Variants in RBM15B observed in about 807,000 individuals in gnomAD.
RBM15B encodes RNA binding motif protein 15B.
A neutral mutation model predicts 53.3 loss-of-function variants in RBM15B; 11 were observed. The ratio of observed to expected loss-of-function variants is 0.21; its 90% CI spans 0.13 to 0.34. The LOEUF is 0.34. Among genes scored for constraint, RBM15B ranks in the 10% least tolerant of loss-of-function variants. The pLI, the probability that RBM15B is intolerant of heterozygous loss-of-function variation, is 1.00. For missense variants in RBM15B, 1,136 were observed against 1,250.3 expected (o/e 0.91, Z 1.38); for synonymous variants, 631 against 540.7 (o/e 1.17, Z -2.32).
Position 51,395,912 on chromosome 3 carries a change from C to T in RBM15B, c.*1840C>T, listed in dbSNP as rs74619531. Reference sequence around the variant, plus strand: ...TTATTTGCCTGTTTTTGTTTTTTTACTTGAGCTGTGGTCACAGCTGCCAGG... The same window carrying T: ...TTATTTGCCTGTTTTTGTTTTTTTATTTGAGCTGTGGTCACAGCTGCCAGG... On this transcript the variant is annotated 3_prime_UTR_variant, in exon 1 of 1. Coordinates refer to ENST00000563281, the MANE Select transcript of RBM15B (RefSeq NM_013286.5). 2,139 of 413,450 alleles carry T rather than the reference C, an allele frequency of 5.2e-3. 16 individuals carry two copies. The highest frequency in any genetic ancestry group is 0.012 in the Middle Eastern group (19 of 1,590). 25.6% of individuals were successfully genotyped at this position (413,450 alleles called of 1,614,324 possible).
In RBM15B at chr3:51,394,429, G is replaced by A; in HGVS notation, c.*357G>A. 5.2e-6 allele frequency: 1 copy of A among 191,612 alleles called. No individual in the cohort carries two copies. 11.9% of individuals were successfully genotyped at this position (191,612 alleles called of 1,614,324 possible). A position where few individuals can be genotyped will look rare whatever the true frequency, so the allele number is the denominator to read the frequency against. ...TCAGAGTCCTGGTTTAATCAATCAA[G>A]CTAAAAGAATCGAAGACATCCCTAG... On this transcript the variant is annotated 3_prime_UTR_variant, in exon 1 of 1. Transcript: ENST00000563281.
In RBM15B at chr3:51,393,679, G is replaced by T. The variant is rs1553622039; in HGVS notation, c.2280G>T (p.Leu760=). The T allele has an allele frequency of 1.2e-6, 2 of 1,612,852 alleles. No individual in the cohort carries two copies. The highest frequency in any genetic ancestry group is 8.5e-7 in the Non-Finnish European group (1 of 1,179,466). Residue 760 remains leucine (L), a synonymous_variant, in exon 1 of 1, where the codon CTG becomes CTT. Transcript: ENST00000563281. This position sits in a 1 kb window ranked among gnomAD's most constrained non-coding sequence, Gnocchi z 5.6. ...LLKDHTSGSK[L]TQLKIAQRLR... ...AAGACCACACTTCTGGGAGCAAGCT[G>T]ACCCAGCTGAAGATCGCCCAGCGCC...
Position 51,391,550 on chromosome 3 carries a change from G to A in RBM15B, c.151G>A (p.Ala51Thr), listed in dbSNP as rs1187723409. The change falls in exon 1 of 1, where the codon GCG becomes ACG. Residue 51 changes from alanine (A) to threonine (T), a missense_variant. This residue lies in a region of RBM15B where 257 missense variants were observed against 261.1 expected (regional missense o/e 0.98). Transcript: ENST00000563281. The surrounding 1 kb of genome is among the most constrained non-coding windows in gnomAD (Gnocchi z 4.5). ...TGGCGGCGCCAAGCACCCGGTTCCA[G>A]CGCGGGCCCGCGACAAACCCCGCGG... ...ASGGAKHPVP[A>T]RARDKPRGSG... is the part of the protein sequence containing the mutation. 4.2e-6 allele frequency: 5 copies of A among 1,184,214 alleles called. No individual in the cohort carries two copies. Among genetic ancestry groups the A allele is most frequent in the African/African-American group, 1.6e-5 (1 of 62,224 alleles). 73.4% of individuals were successfully genotyped at this position (1,184,214 alleles called of 1,614,324 possible).
Position 51,393,129 on chromosome 3 carries a change from G to A in RBM15B, c.1730G>A (p.Arg577His), listed in dbSNP as rs782328646. Reference sequence around the variant, plus strand: ...TCAGTGCGCAGCCGGAGTGGTGAGCGTTGGGGGGCAGATGGAGACCGTGGT... The same window carrying A: ...TCAGTGCGCAGCCGGAGTGGTGAGCATTGGGGGGCAGATGGAGACCGTGGT... ...SRSVRSRSGE[R>H]WGADGDRGLP... The change falls in exon 1 of 1, where the codon CGT becomes CAT. Residue 577 changes from arginine to histidine, a missense_variant. This residue lies in a region of RBM15B where 578 missense variants were observed against 581.6 expected (regional missense o/e 0.99). Coordinates refer to ENST00000563281, the MANE Select transcript of RBM15B (RefSeq NM_013286.5). The surrounding 1 kb of genome is among the most constrained non-coding windows in gnomAD (Gnocchi z 5.6). 6.2e-7 allele frequency: 1 copy of A among 1,614,058 alleles called. No homozygotes were observed. The highest frequency in any genetic ancestry group is 8.5e-7 in the Non-Finnish European group (1 of 1,179,996).
chr3:51,395,760 GGTCCACAGGAA>G lies in RBM15B; in HGVS notation c.*1689_*1699del, dbSNP rs2089160466. On this transcript the variant is annotated 3_prime_UTR_variant, in exon 1 of 1. Coordinates refer to ENST00000563281, the MANE Select transcript of RBM15B (RefSeq NM_013286.5). ...CTGCAGGCTGTGGAGAGGTCATGCT[GGTCCACAGGAA>G]CACTTGGCAGTGCTCTCGTAGACCC... 1.7e-5 allele frequency: 7 copies of G among 413,340 alleles called. No individual in the cohort carries two copies. Among genetic ancestry groups the G allele is most frequent in the Non-Finnish European group, 3.1e-5 (7 of 226,164 alleles). The allele number at this position is 413,340 out of a possible 1,614,324, so 25.6% of individuals were successfully genotyped here.
At position 51,391,712 on chromosome 3, in the gene RBM15B, G is replaced by T; in HGVS notation, c.313G>T (p.Ala105Ser). 1 of 1,380,838 alleles carries T rather than the reference G, an allele frequency of 7.2e-7. No homozygotes were observed. The highest frequency in any genetic ancestry group is 9.3e-7 in the Non-Finnish European group (1 of 1,074,954). The allele number at this position is 1,380,838 out of a possible 1,614,324, so 85.5% of individuals were successfully genotyped here. The change falls in exon 1 of 1, where the codon GCC (alanine) becomes TCC (serine). Residue 105 changes from alanine (A) to serine (S), a missense_variant. Coordinates refer to ENST00000563281, the MANE Select transcript of RBM15B (RefSeq NM_013286.5). This position sits in a 1 kb window ranked among gnomAD's most constrained non-coding sequence, Gnocchi z 4.5. ...CGGCAAGGCCTCGGGGGACCCGGGC[G>T]CCTCCGGCATGTCGCCCCGCGCGTC... Reference protein sequence around the residue: ...RGGKASGDPGASGMSPRASPL... With the variant: ...RGGKASGDPGSSGMSPRASPL...
Position 51,396,761 on chromosome 3 carries a change from C to G in RBM15B, c.*2689C>G, listed in dbSNP as rs1553623102. ...TCCCTGTTATAGTCCCTGTCTCCCCCACAGAGACCTGTGGGTGCTCCCAGC... is the reference window on the plus strand; with the variant it reads ...TCCCTGTTATAGTCCCTGTCTCCCCGACAGAGACCTGTGGGTGCTCCCAGC... On this transcript the variant is annotated 3_prime_UTR_variant, in exon 1 of 1. Transcript: ENST00000563281. 6.0e-6 allele frequency: 1 copy of G among 167,172 alleles called. No homozygotes were observed. Among genetic ancestry groups the G allele is most frequent in the Non-Finnish European group, 1.5e-5 (1 of 68,178 alleles). The allele number at this position is 167,172 out of a possible 1,614,324, so 10.4% of individuals were successfully genotyped here.
rs2089124911 is a variant in RBM15B at position 51,395,002 on chromosome 3, C to T, written c.*930C>T. On this transcript the variant is annotated 3_prime_UTR_variant, in exon 1 of 1. Coordinates refer to ENST00000563281, the MANE Select transcript of RBM15B (RefSeq NM_013286.5). ...GGAATGGAGGGTTGGAGGCAGCCTT[C>T]CTTGGATTTACTCATGAACTTTGCC... The T allele has an allele frequency of 6.0e-6, 1 of 167,358 alleles. No homozygotes were observed. Among genetic ancestry groups the T allele is most frequent in the African/African-American group, 2.4e-5 (1 of 41,566 alleles). The allele number at this position is 167,358 out of a possible 1,614,324, so 10.4% of individuals were successfully genotyped here. A position where few individuals can be genotyped will look rare whatever the true frequency, so the allele number is the denominator to read the frequency against.
rs2089101604 is a variant in RBM15B at position 51,394,340 on chromosome 3, T to G, written c.*268T>G. ...GCTGTGGTTCTGTATTTTTTTATTTTTTGACCAACTGTATGGAAAGTTGTC... is the reference window on the plus strand; with the variant it reads ...GCTGTGGTTCTGTATTTTTTTATTTGTTGACCAACTGTATGGAAAGTTGTC... On this transcript the variant is annotated 3_prime_UTR_variant, in exon 1 of 1. Transcript: ENST00000563281. 1 of 366,418 alleles carries G rather than the reference T, an allele frequency of 2.7e-6. No individual in the cohort carries two copies. The highest frequency in any genetic ancestry group is 2.1e-5 in the African/African-American group (1 of 47,526). 22.7% of individuals were successfully genotyped at this position (366,418 alleles called of 1,614,324 possible).
chr3:51,392,919 C>T lies in RBM15B; in HGVS notation c.1520C>T (p.Pro507Leu), dbSNP rs782593323. Residue 507 changes from proline (P) to leucine (L), a missense_variant, in exon 1 of 1, where the codon CCT (proline) becomes CTT (leucine). Pro to Leu is a moderately conservative substitution (Grantham distance 98). Coordinates refer to ENST00000563281, the MANE Select transcript of RBM15B (RefSeq NM_013286.5). The surrounding 1 kb of genome is among the most constrained non-coding windows in gnomAD (Gnocchi z 7.5). ...CAGCAGTACCAGCCCTCGCCACTCC[C>T]TGTGCATTATGAGCTGCTCACAGAT... ...YPQQYQPSPL[P>L]VHYELLTDGY... 24 of 1,613,772 alleles carry T rather than the reference C, an allele frequency of 1.5e-5. No homozygotes were observed. Among genetic ancestry groups the T allele is most frequent in the Non-Finnish European group, 1.9e-5 (22 of 1,180,058 alleles).
Position 51,395,165 on chromosome 3 carries a change from G to A in RBM15B, c.*1093G>A, listed in dbSNP as rs1160032832. On this transcript the variant is annotated 3_prime_UTR_variant, in exon 1 of 1. Coordinates refer to ENST00000563281, the MANE Select transcript of RBM15B (RefSeq NM_013286.5). ...TGAAGTACTTACCGGGGAGCACAGT[G>A]GACTAGGGGATGCCCTTGATAATGA... 1.2e-5 allele frequency: 2 copies of A among 167,232 alleles called. No homozygotes were observed. The highest frequency in any genetic ancestry group is 4.8e-5 in the African/African-American group (2 of 41,442). 10.4% of individuals were successfully genotyped at this position (167,232 alleles called of 1,614,324 possible). A position where few individuals can be genotyped will look rare whatever the true frequency, so the allele number is the denominator to read the frequency against.
In RBM15B at chr3:51,392,109, C is replaced by G. The variant is rs2089047752; in HGVS notation, c.710C>G (p.Ser237Cys). 2 of 1,542,404 alleles carry G rather than the reference C, an allele frequency of 1.3e-6. No individual in the cohort carries two copies. Among genetic ancestry groups the G allele is most frequent in the Non-Finnish European group, 1.7e-6 (2 of 1,150,798 alleles). ...AGTAGCAGCAGCAGCGCCGCCGCTT[C>G]CACGCCTCCCCCAGGGCCGCCCGCG... ...RRSSSSSAAA[S>C]TPPPGPPAPA... The change falls in exon 1 of 1, where the codon TCC (serine) becomes TGC (cysteine). Residue 237 changes from serine (S) to cysteine (C), a missense_variant. By Grantham distance (112) the Ser-to-Cys change is moderately radical (BLOSUM62 -1). Around this residue, in one of 7 missense-constraint regions of RBM15B, gnomAD observed 204 missense variants for 196.8 expected, o/e 1.04. Coordinates refer to ENST00000563281, the MANE Select transcript of RBM15B (RefSeq NM_013286.5). The surrounding 1 kb of genome is among the most constrained non-coding windows in gnomAD (Gnocchi z 7.5).
rs1240680716 is a variant in RBM15B, at chr3:51,397,263, G to A, written c.*3191G>A. On this transcript the variant is annotated 3_prime_UTR_variant, in exon 1 of 1. Coordinates refer to ENST00000563281, the MANE Select transcript of RBM15B (RefSeq NM_013286.5). ...GGAAGGAAAACAGGGTGGGGCGGGT[G>A]AGTGAAAAGGTGGAAATCCCTGGTA... 1.8e-5 allele frequency: 3 copies of A among 167,104 alleles called. No homozygotes were observed. Among genetic ancestry groups the A allele is most frequent in the Non-Finnish European group, 4.4e-5 (3 of 68,140 alleles). The allele number at this position is 167,104 out of a possible 1,614,324, so 10.4% of individuals were successfully genotyped here. A position where few individuals can be genotyped will look rare whatever the true frequency, so the allele number is the denominator to read the frequency against.
Position 51,391,592 on chromosome 3 carries a change from G to GGCGGGCATCGCGACGGCC in RBM15B, c.198_215dup (p.His67_Gly72dup). 4.2e-6 allele frequency: 5 copies of GGCGGGCATCGCGACGGCC among 1,178,894 alleles called. No homozygotes were observed. The highest frequency in any genetic ancestry group is 3.1e-6 in the Non-Finnish European group (3 of 954,328). 73.0% of individuals were successfully genotyped at this position (1,178,894 alleles called of 1,614,324 possible). A position where few individuals can be genotyped will look rare whatever the true frequency, so the allele number is the denominator to read the frequency against. ...ACCCCGCGGCAGCGGAAGCGGCGGGGGCGGGCATCGCGACGGCCGCGGCAC... is the reference window on the plus strand; with the variant it reads ...ACCCCGCGGCAGCGGAAGCGGCGGGGGCGGGCATCGCGACGGCCGCGGGCATCGCGACGGCCGCGGCAC... On this transcript the variant is annotated inframe_insertion, in exon 1 of 1. Transcript: ENST00000563281. The surrounding 1 kb of genome is among the most constrained non-coding windows in gnomAD (Gnocchi z 4.5).
rs1372651975 is a variant in RBM15B at position 51,391,533 on chromosome 3, C to T, written c.134C>T (p.Ala45Val). 2 of 1,191,354 alleles carry T rather than the reference C, an allele frequency of 1.7e-6. No individual in the cohort carries two copies. The highest frequency in any genetic ancestry group is 2.1e-6 in the Non-Finnish European group (2 of 961,728). 73.8% of individuals were successfully genotyped at this position (1,191,354 alleles called of 1,614,324 possible). The change falls in exon 1 of 1, where the codon GCC becomes GTC. Residue 45 changes from alanine (A) to valine (V), a missense_variant. By Grantham distance (64) the Ala-to-Val change is moderately conservative. This residue lies in a region of RBM15B where 257 missense variants were observed against 261.1 expected (regional missense o/e 0.98). Coordinates refer to ENST00000563281, the MANE Select transcript of RBM15B (RefSeq NM_013286.5). This position sits in a 1 kb window ranked among gnomAD's most constrained non-coding sequence, Gnocchi z 4.5. ...GCGGCGCACAAGGCCTCTGGCGGCGCCAAGCACCCGGTTCCAGCGCGGGCC... is the reference window on the plus strand; with the variant it reads ...GCGGCGCACAAGGCCTCTGGCGGCGTCAAGCACCCGGTTCCAGCGCGGGCC... The part of the protein sequence containing the change: ...RRAAHKASGG[A>V]KHPVPARARD...
rs2089034713 is a variant in RBM15B, at chr3:51,391,436, G to C, written c.37G>C (p.Gly13Arg). 1 of 1,271,076 alleles carries C rather than the reference G, an allele frequency of 7.9e-7. No homozygotes were observed. The highest frequency in any genetic ancestry group is 1.6e-5 in the African/African-American group (1 of 63,636). The allele number at this position is 1,271,076 out of a possible 1,614,324, so 78.7% of individuals were successfully genotyped here. ...RQSERDSSPS[G>R]RGSSSSAKRP... ...GAGCGAGCGAGACTCTAGCCCGAGCGGGCGCGGCTCGTCATCGTCCGCCAA... is the reference window on the plus strand; with the variant it reads ...GAGCGAGCGAGACTCTAGCCCGAGCCGGCGCGGCTCGTCATCGTCCGCCAA... The change falls in exon 1 of 1, where the codon GGG becomes CGG. Residue 13 changes from glycine (G) to arginine (R), a missense_variant. Gly to Arg is a moderately radical substitution (Grantham distance 125). This residue lies in a region of RBM15B where 257 missense variants were observed against 261.1 expected (regional missense o/e 0.98). Transcript: ENST00000563281. The surrounding 1 kb of genome is among the most constrained non-coding windows in gnomAD (Gnocchi z 4.5).
Position 51,392,316 on chromosome 3 carries a change from A to G in RBM15B, c.917A>G (p.Tyr306Cys). The G allele has an allele frequency of 1.9e-6, 3 of 1,612,490 alleles. No homozygotes were observed. The highest frequency in any genetic ancestry group is 2.5e-6 in the Non-Finnish European group (3 of 1,179,788). The change falls in exon 1 of 1, where the codon TAC (tyrosine) becomes TGC (cysteine). Residue 306 changes from tyrosine (Y) to cysteine (C), a missense_variant. By Grantham distance (194) the Tyr-to-Cys change is radical (BLOSUM62 -2). Around this residue, in one of 7 missense-constraint regions of RBM15B, gnomAD observed 204 missense variants for 196.8 expected, o/e 1.04. Coordinates refer to ENST00000563281, the MANE Select transcript of RBM15B (RefSeq NM_013286.5). The surrounding 1 kb of genome is among the most constrained non-coding windows in gnomAD (Gnocchi z 7.5). ...VGLSRERALD[Y>C]YGLYDDRGRP... Reference sequence around the variant, plus strand: ...CTGTCCCGGGAGCGGGCCCTGGACTACTACGGGCTGTACGACGACCGTGGG... The same window carrying G: ...CTGTCCCGGGAGCGGGCCCTGGACTGCTACGGGCTGTACGACGACCGTGGG...
rs1259715970 is a variant in RBM15B, at chr3:51,396,950, G to A, written c.*2878G>A. 1 of 166,972 alleles carries A rather than the reference G, an allele frequency of 6.0e-6. No individual in the cohort carries two copies. The highest frequency in any genetic ancestry group is 1.5e-5 in the Non-Finnish European group (1 of 68,136). The allele number at this position is 166,972 out of a possible 1,614,324, so 10.3% of individuals were successfully genotyped here. On this transcript the variant is annotated 3_prime_UTR_variant, in exon 1 of 1. Transcript: ENST00000563281. ...CGAGGCATGAAGCAAAGAGCTGAGT[G>A]AGTCCTCTGCTCTCCAGAGGACCAA...
chr3:51,392,199 C>G lies in RBM15B; in HGVS notation c.800C>G (p.Ser267Cys). 3.2e-6 allele frequency: 5 copies of G among 1,544,020 alleles called. No homozygotes were observed. The highest frequency in any genetic ancestry group is 4.4e-6 in the Non-Finnish European group (5 of 1,149,388). Residue 267 changes from serine to cysteine, a missense_variant, in exon 1 of 1, where the codon TCC becomes TGC. This residue lies in a region of RBM15B where 204 missense variants were observed against 196.8 expected (regional missense o/e 1.04). Coordinates refer to ENST00000563281, the MANE Select transcript of RBM15B (RefSeq NM_013286.5). This position sits in a 1 kb window ranked among gnomAD's most constrained non-coding sequence, Gnocchi z 7.5. Reference sequence around the variant, plus strand: ...TACCAGTACAAGCAGCGCTCGCTGTCCCCCGTCGCTGCCCCGCCCCTGCGG... The same window carrying G: ...TACCAGTACAAGCAGCGCTCGCTGTGCCCCGTCGCTGCCCCGCCCCTGCGG... ...GGYQYKQRSL[S>C]PVAAPPLREP...
Sources: gnomAD v4.1 joint callset for allele counts on GRCh38, gnomAD v4.1.1 for gene constraint, gnomAD v4.1.1 regional missense constraint, Gnocchi (gnomAD v3.1) non-coding constraint, MANE v1.5 for transcripts, NCBI Gene and HGNC (gene_info 2026-07-23, HGNC 2026-07-21) for gene names.